CHCHD6: variants seen among roughly 807,000 people sequenced by gnomAD.
CHCHD6 encodes coiled-coil-helix-coiled-coil-helix domain containing 6, also known as MICOS complex subunit MIC25.
A neutral mutation model predicts 32.3 loss-of-function variants in CHCHD6; 28 were observed. That is an observed-to-expected ratio of 0.87 (90% CI 0.64 to 1.19). The LOEUF (loss-of-function observed/expected upper bound fraction) is 1.19. Ranked by LOEUF, CHCHD6 falls within the 50% of genes most tolerant of loss-of-function variation. The pLI, the probability that CHCHD6 is intolerant of heterozygous loss-of-function variation, is 0.00. For synonymous variants in CHCHD6, 122 were observed against 117.5 expected (o/e 1.04, Z -0.25); for missense variants, 333 against 307.0 (o/e 1.08, Z -0.63).
At chr3:126,907,755 A>C (rs749252426) in intron 5 of CHCHD6, among the ~76,000 whole-genome samples, 1 of 152,054 alleles carries the variant, frequency 6.6e-6, no homozygotes, top group Non-Finnish European at 1.5e-5. Context: ...CCCTTTTCCA[A>C]CCTGCACTAA....
chr3:126,787,236 T>A (rs1227768251), intron 4 of CHCHD6, among the ~76,000 whole-genome samples: 1 of 152,202 alleles, frequency 6.6e-6, no homozygotes. Context: ...AGCCTTGTAG[T>A]ATAGTTTGAA....
At chr3:126,919,598 G>A (rs1485037560) in intron 6 of CHCHD6, among the ~76,000 whole-genome samples, 1 of 148,684 alleles carries the variant, frequency 6.7e-6, no homozygotes, top group Admixed American at 6.7e-5. Context: ...ATAGGCAGGA[G>A]CCACTGCATC....
chr3:126,931,125 A>G (rs2078398826), intron 6 of CHCHD6, among the ~76,000 whole-genome samples: 1 of 152,080 alleles, frequency 6.6e-6, no homozygotes, highest in African/African-American at 2.4e-5. Flanking sequence ...CAAGGGAAAC[A>G]TGAGGCTTTG....
At chr3:126,858,057 C>T (rs934582566) in intron 5 of CHCHD6, among the ~76,000 whole-genome samples, 1 of 152,026 alleles carries the variant, frequency 6.6e-6, no homozygotes, top group Non-Finnish European at 1.5e-5. Flanking sequence ...AGGCAAGTGC[C>T]GGTGGTATTC....
chr3:126,905,536 G>T (rs1411363310), intron 5 of CHCHD6, among the ~76,000 whole-genome samples: 2 of 87,206 alleles, frequency 2.3e-5, no homozygotes, highest in African/African-American at 6.6e-5. Context: ...CACAGGGGGT[G>T]TCTTGGATGT....
chr3:126,765,493 C>G (rs571428078), intron 4 of CHCHD6, among the ~76,000 whole-genome samples: 1 of 152,304 alleles, frequency 6.6e-6, no homozygotes, highest in African/African-American at 2.4e-5. Context: ...GCAAACGTGA[C>G]TAAAGAGAGC....
intron 5 of CHCHD6, among the ~76,000 whole-genome samples, chr3:126,864,624 TCTC>T (rs1413443438): frequency 4.4e-5 from 4 of 90,070 alleles, no homozygotes; most frequent in South Asian, 4.1e-4. Flanking sequence ...ACCACCTCCT[TCTC>T]CTCCACCACC....
At chr3:126,892,284 G>A (rs140428763) in intron 5 of CHCHD6, among the ~76,000 whole-genome samples, 203 of 152,298 alleles carry the variant, frequency 1.3e-3, no homozygotes, top group Middle Eastern at 6.8e-3. Context: ...TTAAGGCGCT[G>A]TGACTTAAAG....
intron 4 of CHCHD6, among the ~76,000 whole-genome samples, chr3:126,811,016 A>G (rs1037460545): frequency 1.3e-5 from 2 of 152,182 alleles, no homozygotes; most frequent in South Asian, 2.1e-4. Flanking sequence ...AGCAGATGGG[A>G]TGTGTCTGTA....
chr3:126,847,044 A>G (rs1941319112), intron 4 of CHCHD6, among the ~76,000 whole-genome samples: 1 of 152,018 alleles, frequency 6.6e-6, no homozygotes, highest in Non-Finnish European at 1.5e-5. Flanking sequence ...ATTGATAATC[A>G]TTTTTCTTTT....
At chr3:126,865,262 G>T (rs1005276457) in intron 5 of CHCHD6, among the ~76,000 whole-genome samples, 1 of 143,894 alleles carries the variant, frequency 6.9e-6, no homozygotes, top group Non-Finnish European at 1.5e-5. Context: ...TGACATCTAC[G>T]TTCAATTTTA....
intron 6 of CHCHD6, among the ~76,000 whole-genome samples, chr3:126,924,321 G>T (rs1447118826): frequency 1.3e-5 from 2 of 152,188 alleles, no homozygotes; most frequent in Non-Finnish European, 2.9e-5. Context: ...AGTTATCTCT[G>T]GTTAGTTCGG....
In CHCHD6 at chr3:126,957,523, A is replaced by G; in HGVS notation, c.674A>G (p.Tyr225Cys). The G allele has an allele frequency of 6.3e-7, 1 of 1,583,102 alleles. No homozygotes were observed. Among genetic ancestry groups the G allele is most frequent in the Non-Finnish European group, 8.6e-7 (1 of 1,164,932 alleles). ...VLLCSDLVKA[Y>C]QRCVSAAHKG ...CTGTGCTCGGACCTGGTCAAGGCAT[A>G]CCAGCGCTGCGTGAGCGCCGCCCAC... The change falls in exon 7 of 8, where the codon TAC becomes TGC. Residue 225 changes from tyrosine (Y) to cysteine (C), a missense_variant. Transcript: ENST00000290913.
At chr3:126,864,884 C>T (rs1363946215) in intron 5 of CHCHD6, among the ~76,000 whole-genome samples, 56 of 148,204 alleles carry the variant, frequency 3.8e-4, no homozygotes, top group Non-Finnish European at 6.2e-4. Context: ...TCCTCCTCCT[C>T]CTCCACCATC....
chr3:126,733,481 G>A (rs1935906046), intron 4 of CHCHD6, among the ~76,000 whole-genome samples: 1 of 152,242 alleles, frequency 6.6e-6, no homozygotes, highest in Non-Finnish European at 1.5e-5. Flanking sequence ...TACACAGTAA[G>A]GGACCAGACC....
At chr3:126,853,487 A>G (rs547695295) in intron 5 of CHCHD6, among the ~76,000 whole-genome samples, 63 of 152,254 alleles carry the variant, frequency 4.1e-4, no homozygotes, top group African/African-American at 1.5e-3. Flanking sequence ...ATCATTTGTC[A>G]TGGTTTGGAG....
At chr3:126,954,795 G>A (rs144870290) in intron 6 of CHCHD6, among the ~76,000 whole-genome samples, 35 of 152,350 alleles carry the variant, frequency 2.3e-4, no homozygotes, top group African/African-American at 8.4e-4. Flanking sequence ...GCACCGTCAG[G>A]AGGAACAGAA....
chr3:126,908,596 G>A (rs1306412173), intron 5 of CHCHD6, among the ~76,000 whole-genome samples: 1 of 152,104 alleles, frequency 6.6e-6, no homozygotes, highest in Non-Finnish European at 1.5e-5. Context: ...TCTGGGGATA[G>A]GTTAGTGAAC....
At chr3:126,770,663 C>G (rs1937527201) in intron 4 of CHCHD6, among the ~76,000 whole-genome samples, 1 of 152,144 alleles carries the variant, frequency 6.6e-6, no homozygotes, top group East Asian at 1.9e-4. Flanking sequence ...ACCTTGCATC[C>G]CAGGGATAAA....
Sources: allele counts gnomAD v4.1 joint callset (sites outside exome capture counted in the v4.1 genomes callset), GRCh38; gene constraint gnomAD v4.1.1; transcripts MANE v1.5; gene names NCBI Gene and HGNC (gene_info 2026-07-23, HGNC 2026-07-21).